The following MEI1 variants were observed in gnomAD, a reference collection of about 807,000 sequenced individuals.
The protein encoded by MEI1 is meiosis inhibitor protein 1.
A neutral mutation model predicts 146.2 loss-of-function variants in MEI1; 103 were observed. The observed-to-expected ratio is 0.70, with a 90% CI of 0.60 to 0.83. The LOEUF (loss-of-function observed/expected upper bound fraction) is 0.83, where lower values mean the gene tolerates loss of function less well. Among genes scored for constraint, MEI1 ranks in the 40% least tolerant of loss-of-function variants. MEI1 has a pLI of 0.00. For synonymous variants in MEI1, 652 were observed against 628.2 expected (o/e 1.04, Z -0.57); for missense variants, 1,529 against 1,533.0 (o/e 1.00, Z 0.04).
intron 14 of MEI1, among the ~76,000 whole-genome samples, chr22:41,747,736 C>CCAAAAAAA (rs1569240908): frequency 6.0e-5 from 8 of 133,216 alleles, no homozygotes; most frequent in Non-Finnish European, 9.7e-5. Flanking sequence ...CCCACCCCCC[C>CCAAAAAAA]AAAAAAAACA....
intron 23 of MEI1, 44 bp downstream of exon 23, chr22:41,781,438 TGTGG>T: frequency 6.8e-7 from 1 of 1,463,904 alleles, no homozygotes; most frequent in Non-Finnish European, 9.4e-7. Flanking sequence ...CTGGGCAGTC[TGTGG>T]TCCTCTGTAT....
intron 6 of MEI1, 98 bp from the exon 7 acceptor site, chr22:41,723,845 A>T (rs1324288344): frequency 7.2e-7 from 1 of 1,398,246 alleles, no homozygotes; most frequent in African/African-American, 1.4e-5. Context: ...TTGTAGAGGG[A>T]TGAAGAAGTT....
chr22:41,729,818 A>T, intron 8 of MEI1, 39 bp downstream of exon 8: 8 of 1,350,102 alleles, frequency 5.9e-6, no homozygotes, highest in Non-Finnish European at 8.2e-6. Context: ...CCTATACTAG[A>T]AGGATGGGGT....
intron 19 of MEI1, among the ~76,000 whole-genome samples, chr22:41,767,063 AGCAAT>A (rs2074903649): frequency 2.6e-5 from 4 of 152,110 alleles, no homozygotes; most frequent in African/African-American, 9.7e-5. Context: ...GTCCTTGGTG[AGCAAT>A]GGGACTGCCT....
intron 7 of MEI1, among the ~76,000 whole-genome samples, chr22:41,728,516 A>C (rs1360069041): frequency 6.6e-6 from 1 of 152,156 alleles, no homozygotes; most frequent in African/African-American, 2.4e-5. Flanking sequence ...AGGTGGGAGG[A>C]TCACTTGAGC....
intron 18 of MEI1, 73 bp from the exon 19 acceptor site, chr22:41,763,101 G>C (rs1213596726): frequency 4.1e-5 from 63 of 1,545,436 alleles, no homozygotes; most frequent in Non-Finnish European, 5.5e-5. Context: ...GGAAGGATGC[G>C]GCCAGGCAGA....
chr22:41,706,742 A>G (rs1258632101), intron 3 of MEI1, among the ~76,000 whole-genome samples: 2 of 151,920 alleles, frequency 1.3e-5, no homozygotes, highest in Non-Finnish European at 2.9e-5. Context: ...AAATTGTCGA[A>G]GCGCATGGGT....
intron 14 of MEI1, among the ~76,000 whole-genome samples, chr22:41,747,579 CTG>C (rs2073397999): frequency 6.6e-6 from 1 of 152,012 alleles, no homozygotes; most frequent in African/African-American, 2.4e-5. Flanking sequence ...TGGCGCATGA[CTG>C]TAATCCCAGC....
Position 41,770,726 on chromosome 22 carries a change from C to G in MEI1, c.2309C>G (p.Pro770Arg). ...ATCAGAAAATTCCTAGAAGGCATCC[C>G]AGACCTGCAGCTAGTCTATACTCAC... ...SAIRKFLEGI[P>R]DLQLVYTHHP... is the part of the protein sequence containing the mutation. Residue 770 changes from proline to arginine, a missense_variant, in exon 20 of 31, where the codon CCA becomes CGA. Transcript: ENST00000401548. 1 of 1,613,920 alleles carries G rather than the reference C, an allele frequency of 6.2e-7. No homozygotes were observed. The highest frequency in any genetic ancestry group is 1.1e-5 in the South Asian group (1 of 91,064).
At chr22:41,700,837 A>G (rs2068659694) in intron 1 of MEI1, among the ~76,000 whole-genome samples, 1 of 149,340 alleles carries the variant, frequency 6.7e-6, no homozygotes, top group African/African-American at 2.5e-5. Flanking sequence ...CCTAGTCTCA[A>G]GCAATTCTCC....
chr22:41,749,639 T>A (rs1307095716), intron 15 of MEI1, among the ~76,000 whole-genome samples: 4 of 152,202 alleles, frequency 2.6e-5, no homozygotes, highest in Non-Finnish European at 5.9e-5. Context: ...CATGTTCAGA[T>A]TTCTGTTTCA....
At chr22:41,787,068 G>C (rs1333767363) in intron 26 of MEI1, among the ~76,000 whole-genome samples, 1 of 152,168 alleles carries the variant, frequency 6.6e-6, no homozygotes, top group Non-Finnish European at 1.5e-5. Flanking sequence ...ATAGCACTTA[G>C]CTCTCTGTTT....
chr22:41,778,815 G>A lies in MEI1; in HGVS notation c.2815+3G>A, dbSNP rs775355844. ...GGCCATGAAGCTCCTTCACCAAGGTGCCCTGGCTGCTTGGGATAGCGCCCA... is the reference window on the plus strand; with the variant it reads ...GGCCATGAAGCTCCTTCACCAAGGTACCCTGGCTGCTTGGGATAGCGCCCA... On this transcript the variant is annotated splice_donor_region_variant and intron_variant, in intron 22 of 30. Coordinates refer to ENST00000401548, the MANE Select transcript of MEI1 (RefSeq NM_152513.4). The A allele has an allele frequency of 1.4e-5, 23 of 1,596,068 alleles. No individual in the cohort carries two copies. In the East Asian group the frequency reaches 5.0e-4, roughly 35 times the overall value.
At chr22:41,794,298 T>C in intron 27 of MEI1, 73 bp from the exon 28 acceptor site, 3 of 1,300,910 alleles carry the variant, frequency 2.3e-6, no homozygotes, top group South Asian at 1.2e-5. Flanking sequence ...TTTAAGCCAA[T>C]AGGAGAAGGT....
intron 19 of MEI1, among the ~76,000 whole-genome samples, chr22:41,765,117 G>A (rs933451749): frequency 3.9e-5 from 6 of 152,176 alleles, no homozygotes; most frequent in Admixed American, 2.0e-4. Flanking sequence ...CAATTCTCCT[G>A]CCTCAGCCTC....
At chr22:41,767,644 T>C (rs773839410) in intron 19 of MEI1, 6 of 453,640 alleles carry the variant, frequency 1.3e-5, no homozygotes, top group South Asian at 7.8e-5. Context: ...TGATTTTTTA[T>C]TTGCTTCTCA....
Position 41,794,234 on chromosome 22 carries a change from A to G in MEI1, c.3428-137A>G, listed in dbSNP as rs1233233328. On this transcript the variant is annotated intron_variant, in intron 27 of 30. Coordinates refer to ENST00000401548, the MANE Select transcript of MEI1 (RefSeq NM_152513.4). ...TGGATTAGAAGCCCAGGGAAGAAAG[A>G]ACCCTCCTTGGGTCAGCTTGTTCAG... The G allele has an allele frequency of 4.1e-6, 3 of 740,436 alleles. No homozygotes were observed. The Admixed American group carries it at 7.2e-5, about 18-fold the overall frequency. The allele number at this position is 740,436 out of a possible 1,614,324, so 45.9% of individuals were successfully genotyped here. A position where few individuals can be genotyped will look rare whatever the true frequency, so the allele number is the denominator to read the frequency against.
At position 41,717,943 on chromosome 22, in the gene MEI1, G is replaced by C. The variant is rs1238488456; in HGVS notation, c.530-128G>C. ...GTTTTGCCTTTAGATTAAGCATGCA[G>C]AAAGCATTTTTTGTGGGGGATTATA... On this transcript the variant is annotated intron_variant, in intron 5 of 30. Transcript: ENST00000401548. 8.9e-6 allele frequency: 7 copies of C among 785,220 alleles called. No homozygotes were observed. In the East Asian group the frequency reaches 1.6e-4, roughly 18 times the overall value. The allele number at this position is 785,220 out of a possible 1,614,324, so 48.6% of individuals were successfully genotyped here. A position where few individuals can be genotyped will look rare whatever the true frequency, so the allele number is the denominator to read the frequency against.
chr22:41,734,697 G>T (rs2072172775), intron 11 of MEI1, among the ~76,000 whole-genome samples: 3 of 152,186 alleles, frequency 2.0e-5, no homozygotes, highest in Non-Finnish European at 4.4e-5. Flanking sequence ...GAGTGCAATG[G>T]TGTGATCTTG....
Sources: gnomAD v4.1 joint callset for allele counts (sites outside exome capture counted in the v4.1 genomes callset) on GRCh38, gnomAD v4.1.1 for gene constraint, MANE v1.5 for transcripts, NCBI Gene and HGNC (gene_info 2026-07-23, HGNC 2026-07-21) for gene names.